Variants in DHRSX observed in about 807,000 individuals in gnomAD.
The protein encoded by DHRSX is polyprenol dehydrogenase.
A neutral mutation model predicts 34.0 loss-of-function variants in DHRSX; 31 were observed. The observed-to-expected ratio is 0.91, with a 90% CI of 0.69 to 1.23. DHRSX has a LOEUF of 1.23. Among genes scored for constraint, DHRSX ranks in the 50% most tolerant of loss-of-function variants. The pLI is 0.00. For synonymous variants in DHRSX, 201 were observed against 183.8 expected (o/e 1.09, Z -0.76); for missense variants, 414 against 428.1 (o/e 0.97, Z 0.29).
intron 1 of DHRSX, among the ~76,000 whole-genome samples, chrX:2,456,927 G>A (rs1392520746): frequency 2.6e-5 from 4 of 152,066 alleles, no homozygotes; most frequent in South Asian, 2.1e-4. Flanking sequence ...AGGGTGTAGG[G>A]AAAGAAGGAT....
At chrX:2,382,496 CATT>C (rs1461498873) in intron 3 of DHRSX, among the ~76,000 whole-genome samples, 1 of 151,362 alleles carries the variant, frequency 6.6e-6, no homozygotes, top group Non-Finnish European at 1.5e-5. Context: ...CCACCATCAT[CATT>C]ACCATCATCA....
chrX:2,495,609 C>A (rs1267455980), intron 1 of DHRSX, among the ~76,000 whole-genome samples: 3 of 144,780 alleles, frequency 2.1e-5, no homozygotes, highest in East Asian at 2.5e-4. Context: ...CCTGAACCCA[C>A]GTAACAGCCA....
intron 1 of DHRSX, among the ~76,000 whole-genome samples, chrX:2,449,573 C>T (rs969598997): frequency 3.9e-5 from 6 of 152,172 alleles, no homozygotes; most frequent in African/African-American, 1.4e-4. Context: ...TAGCTCACTG[C>T]AGCCTCAACC....
intron 3 of DHRSX, among the ~76,000 whole-genome samples, chrX:2,298,486 C>T (rs185647977): frequency 2.8e-3 from 431 of 151,376 alleles, no homozygotes; most frequent in African/African-American, 0.01. Flanking sequence ...GTTCAAGATC[C>T]TGACTCCAGC....
intron 3 of DHRSX, among the ~76,000 whole-genome samples, chrX:2,304,497 T>A (rs891448598): frequency 1.1e-4 from 16 of 152,194 alleles, no homozygotes; most frequent in Middle Eastern, 3.4e-3. Flanking sequence ...CGGGGGTGGA[T>A]GTCTCAGGAA....
At chrX:2,441,508 C>T (rs1002734045) in intron 1 of DHRSX, among the ~76,000 whole-genome samples, 1 of 151,996 alleles carries the variant, frequency 6.6e-6, no homozygotes, top group Non-Finnish European at 1.5e-5. Flanking sequence ...GAACTGGCTC[C>T]CAAGATGTGG....
chrX:2,221,404 T>G (rs1013699336), intron 6 of DHRSX, 175 bp from the exon 7 acceptor site: 1 of 217,704 alleles, frequency 4.6e-6, no homozygotes, highest in Admixed American at 6.5e-5. Context: ...TTTTCTGCTG[T>G]TGGGTTTCTT....
At chrX:2,390,236 C>T (rs2043320002) in intron 3 of DHRSX, among the ~76,000 whole-genome samples, 1 of 150,424 alleles carries the variant, frequency 6.6e-6, no homozygotes, top group Non-Finnish European at 1.5e-5. Flanking sequence ...CTCTGCCTCC[C>T]GGATTCAAGC....
At chrX:2,456,203 G>A (rs1326847099) in intron 1 of DHRSX, among the ~76,000 whole-genome samples, 2 of 152,152 alleles carry the variant, frequency 1.3e-5, no homozygotes, top group Non-Finnish European at 2.9e-5. Context: ...CCAAAAACCA[G>A]AACAAGAGAC....
intron 6 of DHRSX, among the ~76,000 whole-genome samples, chrX:2,223,759 G>A (rs1222895277): frequency 6.6e-6 from 1 of 152,152 alleles, no homozygotes; most frequent in Non-Finnish European, 1.5e-5. Context: ...GCTGTGTTCT[G>A]CCCAATTTCC....
chrX:2,457,092 C>A (rs1442068551), intron 1 of DHRSX, among the ~76,000 whole-genome samples: 2 of 151,850 alleles, frequency 1.3e-5, no homozygotes, highest in Admixed American at 1.3e-4. Flanking sequence ...ATAGAGACAC[C>A]CAATGAAGAA....
At chrX:2,258,035 A>G (rs1474606533) in intron 5 of DHRSX, among the ~76,000 whole-genome samples, 1 of 152,178 alleles carries the variant, frequency 6.6e-6, no homozygotes, top group Admixed American at 6.5e-5. Flanking sequence ...GGACACAGAC[A>G]CACACAGAGG....
At chrX:2,339,841 G>A (rs1225713338) in intron 3 of DHRSX, among the ~76,000 whole-genome samples, 1 of 152,056 alleles carries the variant, frequency 6.6e-6, no homozygotes, top group Non-Finnish European at 1.5e-5. Context: ...GTGTGCATGT[G>A]TCTTTATAGT....
intron 3 of DHRSX, among the ~76,000 whole-genome samples, chrX:2,301,523 C>T (rs1309848642): frequency 6.6e-6 from 1 of 152,216 alleles, no homozygotes. Context: ...GGTCTTATTG[C>T]TGCGTGGAGC....
chrX:2,478,163 G>T (rs1292603759), intron 1 of DHRSX, among the ~76,000 whole-genome samples: 1 of 152,174 alleles, frequency 6.6e-6, no homozygotes, highest in Non-Finnish European at 1.5e-5. Flanking sequence ...GAAGGATGCG[G>T]ACAGGGCAGG....
intron 3 of DHRSX, among the ~76,000 whole-genome samples, chrX:2,292,640 T>C (rs1044796950): frequency 2.1e-4 from 32 of 152,076 alleles, no homozygotes; most frequent in African/African-American, 4.8e-4. Flanking sequence ...CTGCTACAGA[T>C]AGTAAGAAGT....
intron 3 of DHRSX, among the ~76,000 whole-genome samples, chrX:2,328,197 T>G (rs1750687121): frequency 6.6e-6 from 1 of 151,796 alleles, no homozygotes; most frequent in African/African-American, 2.4e-5. Context: ...GAACCAGCCC[T>G]GCCTACACCT....
intron 5 of DHRSX, among the ~76,000 whole-genome samples, chrX:2,265,168 C>A (rs867154366): frequency 1.7e-5 from 2 of 118,760 alleles, no homozygotes; most frequent in African/African-American, 3.4e-5. Context: ...GTCCAGCAGA[C>A]GCAGGGAGCA....
intron 5 of DHRSX, among the ~76,000 whole-genome samples, chrX:2,243,786 C>CTGTTT (rs1569478849): frequency 1.6e-4 from 4 of 25,118 alleles, no homozygotes; most frequent in African/African-American, 3.6e-4. Flanking sequence ...ACTATGCTCC[C>CTGTTT]TGTTTTTTTT....
Sources: allele counts gnomAD v4.1 joint callset (sites outside exome capture counted in the v4.1 genomes callset), GRCh38; gene constraint gnomAD v4.1.1; transcripts MANE v1.5; gene names NCBI Gene and HGNC (gene_info 2026-07-23, HGNC 2026-07-21).